TDRD3: variants seen among roughly 807,000 people sequenced by gnomAD.
TDRD3 encodes tudor domain containing 3.
In TDRD3, 45 loss-of-function variants were observed where a neutral mutation model predicts 86.7. The ratio of observed to expected loss-of-function variants is 0.52; its 90% CI spans 0.41 to 0.67. The LOEUF (loss-of-function observed/expected upper bound fraction) is 0.67. TDRD3 is among the 30% of genes least tolerant of loss of function. TDRD3 has a pLI of 0.00. For missense variants in TDRD3, 814 were observed against 889.0 expected (o/e 0.92, Z 1.07); for synonymous variants, 298 against 301.7 (o/e 0.99, Z 0.13).
intron 12 of TDRD3, among the ~76,000 whole-genome samples, chr13:60,551,528 G>A (rs1958052509): frequency 6.6e-6 from 1 of 152,176 alleles, no homozygotes; most frequent in Admixed American, 6.5e-5. Flanking sequence ...CAGATCAGGA[G>A]TTGAGTATCC....
chr13:60,433,201 C>T (rs910040772), intron 1 of TDRD3, among the ~76,000 whole-genome samples: 7 of 152,136 alleles, frequency 4.6e-5, no homozygotes, highest in Non-Finnish European at 1.0e-4. Context: ...TTTGAATGGG[C>T]ATTCATTATT....
chr13:60,492,439 A>G (rs573183725), intron 7 of TDRD3, among the ~76,000 whole-genome samples: 4 of 152,292 alleles, frequency 2.6e-5, no homozygotes, highest in African/African-American at 9.6e-5. Context: ...CCAATGAGGT[A>G]GGTTTTCTAA....
chr13:60,449,739 G>T (rs1362568478), intron 3 of TDRD3, among the ~76,000 whole-genome samples: 3 of 151,968 alleles, frequency 2.0e-5, no homozygotes, highest in African/African-American at 7.2e-5. Context: ...CTAAGGGGTA[G>T]ATCTTCTAGT....
chr13:60,523,714 C>G (rs1028824238), intron 10 of TDRD3, among the ~76,000 whole-genome samples: 1 of 151,538 alleles, frequency 6.6e-6, no homozygotes, highest in East Asian at 2.0e-4. Context: ...ATAGCTGGGA[C>G]TACAGGTGCA....
intron 5 of TDRD3, among the ~76,000 whole-genome samples, chr13:60,479,016 G>T (rs896226843): frequency 6.6e-6 from 1 of 151,282 alleles, no homozygotes; most frequent in African/African-American, 2.4e-5. Context: ...CATCTTGGCC[G>T]GGCTGGTCTT....
At chr13:60,529,319 CTA>C (rs1308743733) in intron 11 of TDRD3, 102 bp downstream of exon 11, 1 of 1,263,102 alleles carries the variant, frequency 7.9e-7, no homozygotes, top group Non-Finnish European at 1.1e-6. Context: ...TCTTTTTCTA[CTA>C]TTGTACCTGT....
At chr13:60,505,097 A>C (rs1412489306) in intron 8 of TDRD3, among the ~76,000 whole-genome samples, 1 of 151,968 alleles carries the variant, frequency 6.6e-6, no homozygotes. Flanking sequence ...AGAACTGTTC[A>C]CTCTGCTGGA....
chr13:60,534,702 G>A (rs1303396526), intron 11 of TDRD3, among the ~76,000 whole-genome samples: 2 of 152,100 alleles, frequency 1.3e-5, no homozygotes, highest in African/African-American at 4.8e-5. Context: ...AAGGCAGGCA[G>A]ATCACTTGAG....
Position 60,431,296 on chromosome 13 carries a change from A to C in TDRD3, c.42-8392A>C, listed in dbSNP as rs79850553. Among the ~76,000 whole-genome samples the C allele has an allele frequency of 2.3e-3, 355 of 152,122 alleles. 1 individual carries two copies. The highest frequency in any genetic ancestry group is 8.4e-3 in the African/African-American group (347 of 41,542). On this transcript the variant is annotated intron_variant, in intron 1 of 13. Transcript: ENST00000377881. The stretch of plus-strand genomic sequence containing the variant: ...ATTTTACTTGTGAAACAAGGTTGTC[A>C]TCTAGTGGTGCTTTCAAGTAGTACA...
chr13:60,481,442 A>T (rs1956316270), intron 5 of TDRD3, among the ~76,000 whole-genome samples: 1 of 138,276 alleles, frequency 7.2e-6, no homozygotes, highest in African/African-American at 2.7e-5. Context: ...TCATTTTTTT[A>T]CCCTAGGCTT....
intron 1 of TDRD3, among the ~76,000 whole-genome samples, chr13:60,438,387 C>T (rs1187302538): frequency 2.0e-5 from 3 of 152,078 alleles, no homozygotes; most frequent in Non-Finnish European, 2.9e-5. Flanking sequence ...ACTGACTCAT[C>T]GATATATTTG....
At chr13:60,568,145 G>T (rs926611206) in intron 13 of TDRD3, among the ~76,000 whole-genome samples, 3 of 152,118 alleles carry the variant, frequency 2.0e-5, no homozygotes, top group African/African-American at 7.2e-5. Context: ...TCCTTCCCTG[G>T]TTAAAAATTA....
At chr13:60,485,662 G>A (rs1391843175) in intron 6 of TDRD3, 137 bp from the exon 7 acceptor site, 3 of 626,524 alleles carry the variant, frequency 4.8e-6, no homozygotes, top group African/African-American at 1.9e-5. Context: ...TTAAATATAT[G>A]GGATAGAATT....
chr13:60,535,307 C>T lies in TDRD3; in HGVS notation c.2118+74C>T. The T allele has an allele frequency of 2.8e-6, 4 of 1,432,634 alleles. No homozygotes were observed. In the South Asian group the frequency reaches 6.7e-5, roughly 24 times the overall value. 88.7% of individuals were successfully genotyped at this position (1,432,634 alleles called of 1,614,324 possible). A position where few individuals can be genotyped will look rare whatever the true frequency, so the allele number is the denominator to read the frequency against. Reference sequence around the variant, plus strand: ...TATATAGCTCTAAAGAATTAGATAGCCATACAAAATATGCAAGTGGAATCA... The same window carrying T: ...TATATAGCTCTAAAGAATTAGATAGTCATACAAAATATGCAAGTGGAATCA... On this transcript the variant is annotated intron_variant, in intron 12 of 13. Coordinates refer to ENST00000377881, the MANE Select transcript of TDRD3 (RefSeq NM_001146070.2).
At chr13:60,571,222 A>G (rs1684194299) in intron 13 of TDRD3, among the ~76,000 whole-genome samples, 1 of 152,228 alleles carries the variant, frequency 6.6e-6, no homozygotes, top group Non-Finnish European at 1.5e-5. Context: ...TTGTAATTCA[A>G]GCATATGTTA....
At chr13:60,423,102 A>G (rs781763950) in intron 1 of TDRD3, among the ~76,000 whole-genome samples, 8 of 152,232 alleles carry the variant, frequency 5.3e-5, no homozygotes, top group Non-Finnish European at 8.8e-5. Flanking sequence ...CAAGCTTTTC[A>G]AAACCAATAT....
intron 3 of TDRD3, among the ~76,000 whole-genome samples, chr13:60,451,230 G>A (rs1955532618): frequency 6.6e-6 from 1 of 152,172 alleles, no homozygotes; most frequent in Non-Finnish European, 1.5e-5. Flanking sequence ...AGCTATGCTA[G>A]TCAGGTGTAG....
At chr13:60,466,507 G>A (rs1358222856) in intron 4 of TDRD3, among the ~76,000 whole-genome samples, 1 of 151,812 alleles carries the variant, frequency 6.6e-6, no homozygotes, top group East Asian at 1.9e-4. Flanking sequence ...GACAATCTTG[G>A]CCAGGTACAG....
At chr13:60,498,221 T>A (rs1216268731) in intron 8 of TDRD3, among the ~76,000 whole-genome samples, 1 of 152,110 alleles carries the variant, frequency 6.6e-6, no homozygotes, top group Non-Finnish European at 1.5e-5. Context: ...CAAAATAGAT[T>A]TGTGAGGGCA....
Sources: allele counts gnomAD v4.1 joint callset (sites outside exome capture counted in the v4.1 genomes callset), GRCh38; gene constraint gnomAD v4.1.1; transcripts MANE v1.5; gene names NCBI Gene and HGNC (gene_info 2026-07-23, HGNC 2026-07-21).